PLTP: variants seen among roughly 807,000 people sequenced by gnomAD.
The protein encoded by PLTP is phospholipid transfer protein, also known as BPI fold containing family E.
Under a neutral mutation model 54.1 loss-of-function variants are expected in PLTP, and 43 were observed. The observed-to-expected ratio is 0.79, with a 90% CI of 0.62 to 1.02. The LOEUF (loss-of-function observed/expected upper bound fraction) is 1.02, where lower values mean the gene tolerates loss of function less well. Ranked by LOEUF, PLTP falls within the 50% of genes least tolerant of loss-of-function variation. The probability of loss-of-function intolerance (pLI) is 0.00; values close to 1 mark genes in which losing one functional copy is unlikely to be tolerated. For missense variants in PLTP, 604 were observed against 645.9 expected, an observed-to-expected ratio of 0.94 and a Z score of 0.70; for synonymous variants, 263 against 264.6, an observed-to-expected ratio of 0.99 and a Z score of 0.06.
At chr20:45,908,013 C>T in intron 5 of PLTP, 109 bp from the exon 6 acceptor site, 2 of 972,622 alleles carry the variant, frequency 2.1e-6, no homozygotes, top group Non-Finnish European at 3.2e-6. Flanking sequence ...TCCTCAGCTT[C>T]AGCCTGAATA....
Position 45,911,467 on chromosome 20 carries a change from G to A in PLTP, c.-11-4C>T. ...AAGAGGGCCATGGCGAGCGGGCCTG[G>A]GGGTGGGGTGGGGTCGCAGGAGTTA... On this transcript the variant is annotated splice_region_variant and splice_polypyrimidine_tract_variant and intron_variant, in intron 1 of 15. Transcript: ENST00000372431. The A allele has an allele frequency of 6.2e-7, 1 of 1,601,050 alleles. No individual in the cohort carries two copies. The highest frequency in any genetic ancestry group is 8.5e-7 in the Non-Finnish European group (1 of 1,179,728).
At chr20:45,910,923 T>C in intron 3 of PLTP, 1 of 1,421,062 alleles carries the variant, frequency 7.0e-7, no homozygotes, top group Non-Finnish European at 9.2e-7. Flanking sequence ...GCTTCCTTCT[T>C]GGCCCCCTCT....
Position 45,909,963 on chromosome 20 carries a change from C to G in PLTP, c.308G>C (p.Arg103Thr), listed in dbSNP as rs2145841366. 3.7e-6 allele frequency: 6 copies of G among 1,614,142 alleles called. No homozygotes were observed. The East Asian group carries it at 1.3e-4, about 36-fold the overall frequency. ...TTACAAGAACCAGTAGAGCAGCTGTCTCCGGAAGCGCAGCCCCAAGGAGGC... is the reference window on the plus strand; with the variant it reads ...TTACAAGAACCAGTAGAGCAGCTGTGTCCGGAAGCGCAGCCCCAAGGAGGC... The part of the protein sequence containing the change: ...TNASLGLRFR[R>T]QLLYWFFYDG... Residue 103 changes from arginine (R) to threonine (T), a missense_variant, in exon 4 of 16, where the codon AGA (arginine) becomes ACA (threonine). Physicochemically the swap from Arg to Thr is moderately conservative, Grantham distance 71. Coordinates refer to ENST00000372431, the MANE Select transcript of PLTP (RefSeq NM_006227.4).
At chr20:45,899,810 C>CG in intron 13 of PLTP, 26 bp downstream of exon 13, 12 of 1,134,746 alleles carry the variant, frequency 1.1e-5, no homozygotes, top group Non-Finnish European at 1.4e-5. Flanking sequence ...GAACCCAGCC[C>CG]AGCCCACCCA....
intron 7 of PLTP, among the ~76,000 whole-genome samples, chr20:45,907,441 A>G (rs563801097): frequency 5.9e-5 from 9 of 152,320 alleles, no homozygotes; most frequent in African/African-American, 2.2e-4. Context: ...CAGCATGCAC[A>G]TATTGAGGAC....
At chr20:45,910,747 T>G in intron 3 of PLTP, 1 of 862,938 alleles carries the variant, frequency 1.2e-6, no homozygotes, top group Non-Finnish European at 1.5e-6. Flanking sequence ...CACATCTCAA[T>G]TCCTTATTCC....
At position 45,909,564 on chromosome 20, in the gene PLTP, C is replaced by A; in HGVS notation, c.437G>T (p.Cys146Phe). 2 of 1,614,198 alleles carry A rather than the reference C, an allele frequency of 1.2e-6. No homozygotes were observed. The highest frequency in any genetic ancestry group is 1.7e-6 in the Non-Finnish European group (2 of 1,180,046). The stretch of plus-strand genomic sequence containing the variant: ...GTGCATTCTGGAGACAGAGGCCTGG[C>A]AGGAGACATTGGACACTTTCATCCG... ...AGRMKVSNVS[C>F]QASVSRMHAA... Residue 146 changes from cysteine to phenylalanine, a missense_variant, in exon 5 of 16, where the codon TGC becomes TTC. Coordinates refer to ENST00000372431, the MANE Select transcript of PLTP (RefSeq NM_006227.4).
chr20:45,899,586 C>T (rs921756629), intron 14 of PLTP, 36 bp downstream of exon 14: 2 of 1,614,162 alleles, frequency 1.2e-6, no homozygotes, highest in African/African-American at 2.7e-5. Flanking sequence ...CAGTTCACCC[C>T]TCCTTTCTTC....
intron 1 of PLTP, 109 bp from the exon 2 acceptor site, chr20:45,911,572 T>A (rs2083294310): frequency 6.9e-7 from 1 of 1,440,054 alleles, no homozygotes; most frequent in African/African-American, 1.4e-5. Context: ...CAGATAACTC[T>A]TCGGGGAACT....
At chr20:45,910,126 G>A in intron 3 of PLTP, 56 bp from the exon 4 acceptor site, 2 of 1,602,490 alleles carry the variant, frequency 1.2e-6, no homozygotes, top group Non-Finnish European at 8.5e-7. Flanking sequence ...TTCCCCCAAC[G>A]ACAGGAAATT....
chr20:45,909,920 C>T, intron 4 of PLTP, 22 bp downstream of exon 4: 1 of 1,613,786 alleles, frequency 6.2e-7, no homozygotes, highest in Non-Finnish European at 8.5e-7. Flanking sequence ...TCTCCACTCC[C>T]CTGAGGGTGC....
downstream of PLTP, chr20:45,898,620 C>T (rs1458955243): frequency 2.6e-6 from 2 of 754,730 alleles, no homozygotes; most frequent in African/African-American, 1.7e-5. This position sits in a 1 kb window ranked among gnomAD's most constrained non-coding sequence, Gnocchi z 4.6. Flanking sequence ...CCATAGACAG[C>T]CTGGGGGCAA....
At chr20:45,906,455 C>T in intron 7 of PLTP, 96 bp from the exon 8 acceptor site, 1 of 891,004 alleles carries the variant, frequency 1.1e-6, no homozygotes, top group South Asian at 1.4e-5. Context: ...AATGAGGATA[C>T]ATCCTTCACA....
intron 3 of PLTP, 152 bp from the exon 4 acceptor site, chr20:45,910,222 GACTTGGGTGGCTCAAAGTTGA>G: frequency 2.4e-6 from 2 of 836,446 alleles, no homozygotes; most frequent in Non-Finnish European, 3.9e-6. Context: ...GCCCAACTTA[GACTTGGGTGGCTCAAAGTTGA>G]ACTTGGGTGG....
intron 7 of PLTP, among the ~76,000 whole-genome samples, chr20:45,906,890 CA>C (rs746783296): frequency 0.22 from 8,902 of 41,004 alleles, 770 homozygotes; most frequent in East Asian, 0.34. Context: ...GACTCCATCT[CA>C]AAAAAAAAAA....
rs573138220 is a variant in PLTP, at chr20:45,911,362, G to C, written c.91C>G (p.Leu31Val). 1 of 1,612,904 alleles carries C rather than the reference G, an allele frequency of 6.2e-7. No individual in the cohort carries two copies. The highest frequency in any genetic ancestry group is 2.2e-5 in the East Asian group (1 of 44,880). Residue 31 changes from leucine to valine, a missense_variant, in exon 2 of 16, where the codon CTG (leucine) becomes GTG (valine). Coordinates refer to ENST00000372431, the MANE Select transcript of PLTP (RefSeq NM_006227.4). ...GCKIRVTSKA[L>V]ELVKQEGLRF... The stretch of plus-strand genomic sequence containing the variant: ...TGCCCCTGCGCCTTACCCAGCTCCA[G>C]CGCCTTGGAGGTGACGCGGATCTTG...
chr20:45,906,408 G>T (rs1490085454), intron 7 of PLTP, 49 bp from the exon 8 acceptor site: 1 of 1,421,410 alleles, frequency 7.0e-7, no homozygotes, highest in Non-Finnish European at 9.9e-7. Context: ...GTGGGATAAG[G>T]TGCTTAACCT....
At chr20:45,904,371 A>T (rs971323092) in intron 10 of PLTP, among the ~76,000 whole-genome samples, 1 of 152,134 alleles carries the variant, frequency 6.6e-6, no homozygotes, top group Non-Finnish European at 1.5e-5. Flanking sequence ...CTGAAGCAGG[A>T]GGATGGCTTG....
chr20:45,910,834 C>T, intron 3 of PLTP: 1 of 1,265,518 alleles, frequency 7.9e-7, no homozygotes. Flanking sequence ...GTGCCCGAGA[C>T]TCCACTCTCA....
Sources: gnomAD v4.1 joint callset for allele counts (sites outside exome capture counted in the v4.1 genomes callset) on GRCh38, gnomAD v4.1.1 for gene constraint, Gnocchi (gnomAD v3.1) non-coding constraint, MANE v1.5 for transcripts, NCBI Gene and HGNC (gene_info 2026-07-23, HGNC 2026-07-21) for gene names.